The following ELP4 variants were observed in gnomAD, a reference collection of about 807,000 sequenced individuals.
ELP4 encodes the protein elongator complex protein 4.
Under a neutral mutation model 48.9 loss-of-function variants are expected in ELP4, and 51 were observed. The observed-to-expected ratio is 1.04, with a 90% CI of 0.83 to 1.32. The LOEUF (loss-of-function observed/expected upper bound fraction) is 1.32. ELP4 is among the 40% of genes most tolerant of loss of function. ELP4 has a pLI of 0.00. For missense variants in ELP4, 519 were observed against 514.6 expected, an observed-to-expected ratio of 1.01 and a Z score of -0.08; for synonymous variants, 210 against 189.2, an observed-to-expected ratio of 1.11 and a Z score of -0.90.
chr11:31,677,835 T>C (rs900426813), intron 9 of ELP4, among the ~76,000 whole-genome samples: 3 of 152,186 alleles, frequency 2.0e-5, no homozygotes, highest in African/African-American at 7.2e-5. Context: ...TTACAATTGG[T>C]GAGCCAGAAT....
intron 7 of ELP4, among the ~76,000 whole-genome samples, chr11:31,639,623 A>G (rs567654988): frequency 1.3e-5 from 2 of 152,090 alleles, no homozygotes; most frequent in African/African-American, 4.8e-5. Context: ...TTCTGTCTAT[A>G]TTAAGCATAG....
intron 9 of ELP4, among the ~76,000 whole-genome samples, chr11:31,684,804 G>A (rs1182637776): frequency 6.6e-6 from 1 of 152,106 alleles, no homozygotes; most frequent in Non-Finnish European, 1.5e-5. Context: ...ATTCCAGATG[G>A]ACTGCAATCT....
At chr11:31,604,335 C>T (rs1056663568) in intron 5 of ELP4, among the ~76,000 whole-genome samples, 3 of 151,720 alleles carry the variant, frequency 2.0e-5, no homozygotes, top group Admixed American at 6.6e-5. Context: ...TTTTTCAGAG[C>T]GTAAACAAGT....
rs1949445807 is a variant in ELP4 at position 31,790,247 on chromosome 11, A to G, written c.*6723A>G. ...TGGATCCCAAGTACCCCCCACCCCA[A>G]TCCAAAGGAAAAGAAAAAAAAAATC... On this transcript the variant is annotated 3_prime_UTR_variant, in exon 10 of 10. Transcript: ENST00000640961. 1 of 517,212 alleles carries G rather than the reference A, an allele frequency of 1.9e-6. No individual in the cohort carries two copies. The highest frequency in any genetic ancestry group is 3.2e-6 in the Non-Finnish European group (1 of 310,010). The allele number at this position is 517,212 out of a possible 1,614,324, so 32.0% of individuals were successfully genotyped here.
At position 31,786,731 on chromosome 11, in the gene ELP4, T is replaced by C. The variant is rs1010978990; in HGVS notation, c.*3207T>C. The C allele has an allele frequency of 4.4e-5, 10 of 226,068 alleles. No homozygotes were observed. The highest frequency in any genetic ancestry group is 1.3e-3 in the Middle Eastern group (1 of 758). 14.0% of individuals were successfully genotyped at this position (226,068 alleles called of 1,614,324 possible). A position where few individuals can be genotyped will look rare whatever the true frequency, so the allele number is the denominator to read the frequency against. ...TGAGCTGTAGCAAGAAACCAGTTGT[T>C]CACCATTTAAGGGTTAGGAGGCATA... is the stretch of plus-strand genomic sequence containing the variant. On this transcript the variant is annotated 3_prime_UTR_variant, in exon 10 of 10. Coordinates refer to ENST00000640961, the MANE Select transcript of ELP4 (RefSeq NM_019040.5).
intron 9 of ELP4, among the ~76,000 whole-genome samples, chr11:31,722,665 T>TTCTCTCTCTCTCTC (rs71060499): frequency 4.2e-5 from 6 of 144,188 alleles, no homozygotes; most frequent in Non-Finnish European, 9.0e-5. Context: ...AAGGTGTCTC[T>TTCTCTCTCTCTCTC]TCTCTCTCTC....
intron 3 of ELP4, among the ~76,000 whole-genome samples, chr11:31,566,963 A>C (rs1047156445): frequency 6.6e-6 from 1 of 152,224 alleles, no homozygotes; most frequent in African/African-American, 2.4e-5. Flanking sequence ...CATGTGTTTC[A>C]CAATTTACAT....
chr11:31,547,009 A>G (rs1328450200), intron 3 of ELP4, among the ~76,000 whole-genome samples: 1 of 152,074 alleles, frequency 6.6e-6, no homozygotes, highest in East Asian at 1.9e-4. Context: ...AATTTATAGC[A>G]CTAAATGCCC....
At chr11:31,599,293 T>C (rs1260045786) in intron 4 of ELP4, 1 of 152,130 alleles carries the variant, frequency 6.6e-6, no homozygotes, top group Admixed American at 6.6e-5. Context: ...TTACAGTGAG[T>C]TGTATCCAAT....
rs140307854 is a variant in ELP4 at position 31,694,768 on chromosome 11, G to T, written c.1143+44547G>T. Among the ~76,000 whole-genome samples the T allele has an allele frequency of 2.2e-3, 333 of 152,220 alleles. 2 individuals carry two copies. Among genetic ancestry groups the T allele is most frequent in the Non-Finnish European group, 3.9e-3 (267 of 68,000 alleles). ...TTTTGGGCAGTACGGCCATTTTCAC[G>T]ATATTGATTCTTCCTATCCATGAGC... On this transcript the variant is annotated intron_variant, in intron 9 of 9. Transcript: ENST00000640961.
chr11:31,519,999 T>C (rs1956186847), intron 1 of ELP4, 57 bp from the exon 2 acceptor site: 21 of 1,561,840 alleles, frequency 1.3e-5, no homozygotes, highest in Non-Finnish European at 1.8e-5. Flanking sequence ...CTAACTTTTA[T>C]GCTAAAGGTA....
At chr11:31,515,694 A>G (rs1300794278) in intron 1 of ELP4, among the ~76,000 whole-genome samples, 1 of 151,990 alleles carries the variant, frequency 6.6e-6, no homozygotes, top group Non-Finnish European at 1.5e-5. Context: ...AATTGCCAAA[A>G]TGGTAAAGGT....
chr11:31,707,797 G>T (rs1384873358), intron 9 of ELP4, among the ~76,000 whole-genome samples: 1 of 152,166 alleles, frequency 6.6e-6, no homozygotes, highest in Non-Finnish European at 1.5e-5. Context: ...TAAACTACCA[G>T]CATTCCTTGG....
chr11:31,644,604 T>G (rs78482722), intron 7 of ELP4, among the ~76,000 whole-genome samples: 9,286 of 151,832 alleles, frequency 0.061, 356 homozygotes, highest in East Asian at 0.18. Context: ...GTGATTATTA[T>G]GCTTTTATGG....
At chr11:31,738,010 C>A (rs905564283) in intron 9 of ELP4, among the ~76,000 whole-genome samples, 1 of 152,002 alleles carries the variant, frequency 6.6e-6, no homozygotes, top group Non-Finnish European at 1.5e-5. Flanking sequence ...GCAACATTAT[C>A]CATAATAGCC....
intron 3 of ELP4, among the ~76,000 whole-genome samples, chr11:31,589,948 G>C (rs927610704): frequency 1.6e-4 from 24 of 152,184 alleles, no homozygotes; most frequent in South Asian, 1.2e-3. Flanking sequence ...TAGAATGAAA[G>C]CTTATTATAG....
intron 9 of ELP4, among the ~76,000 whole-genome samples, chr11:31,667,970 C>T (rs1462161444): frequency 6.6e-6 from 1 of 152,110 alleles, no homozygotes; most frequent in Non-Finnish European, 1.5e-5. Context: ...GCATCTGCAT[C>T]ATTTCTAAAA....
At chr11:31,511,702 T>G (rs1454758597) in intron 1 of ELP4, 1 of 152,212 alleles carries the variant, frequency 6.6e-6, no homozygotes, top group East Asian at 1.9e-4. Context: ...TCCAGGGGTT[T>G]TGACCATTTA....
chr11:31,730,818 T>C (rs1176991022), intron 9 of ELP4, among the ~76,000 whole-genome samples: 1 of 152,204 alleles, frequency 6.6e-6, no homozygotes, highest in Non-Finnish European at 1.5e-5. Flanking sequence ...GCTGAATTCC[T>C]TCTAGCCTGA....
Sources: allele counts gnomAD v4.1 joint callset (sites outside exome capture counted in the v4.1 genomes callset), GRCh38; gene constraint gnomAD v4.1.1; transcripts MANE v1.5; gene names NCBI Gene and HGNC (gene_info 2026-07-23, HGNC 2026-07-21).